NUP210L: variants seen among roughly 807,000 people sequenced by gnomAD.
NUP210L encodes the protein nucleoporin 210 like, also known as nuclear pore membrane glycoprotein 210-like.
NUP210L carries 74 observed loss-of-function variants against 208.5 expected under a neutral mutation model. The ratio of observed to expected loss-of-function variants is 0.35; its 90% CI spans 0.29 to 0.43. The LOEUF is 0.43. Among genes scored for constraint, NUP210L ranks in the 20% least tolerant of loss-of-function variants. The pLI is 1.00. For synonymous variants in NUP210L, 780 were observed against 816.9 expected (o/e 0.95, Z 0.77); for missense variants, 1,843 against 2,289.4 (o/e 0.81, Z 3.98).
At chr1:154,003,454 C>A (rs1650330961) in intron 35 of NUP210L, among the ~76,000 whole-genome samples, 2 of 152,232 alleles carry the variant, frequency 1.3e-5, no homozygotes, top group South Asian at 4.1e-4. Flanking sequence ...GATCCTCCCA[C>A]CTCAGCCTCC....
chr1:154,044,849 A>G (rs985002525), intron 27 of NUP210L, among the ~76,000 whole-genome samples: 6 of 152,208 alleles, frequency 3.9e-5, no homozygotes, highest in Non-Finnish European at 8.8e-5. Context: ...ATTTGTCGGC[A>G]GCAAACTTTA....
At position 154,072,327 on chromosome 1, in the gene NUP210L, C is replaced by CTTTTTT. The variant is rs1213732819; in HGVS notation, c.2362-1868_2362-1863dup. Among the ~76,000 whole-genome samples, 161 of 80,314 alleles carry CTTTTTT rather than the reference C, an allele frequency of 2.0e-3. 3 individuals carry two copies. The highest frequency in any genetic ancestry group is 2.4e-3 in the Admixed American group (13 of 5,400). The allele number at this position is 80,314 out of a possible 152,430, so 52.7% of individuals were successfully genotyped here. On this transcript the variant is annotated intron_variant, in intron 16 of 39. Transcript: ENST00000368559. ...TTTTTTATTTTAATTATGGCCATTC[C>CTTTTTT]TTTTTTTTTTTTTTTTTTTTTTTGA...
In NUP210L at chr1:154,144,057, C is replaced by T. The variant is rs184040608; in HGVS notation, c.341-480G>A. ...ATTATCCTGGAGTGGTGGCGGGCAC[C>T]TGTAGTCCCAGCTACTCGGAAGGTT... On this transcript the variant is annotated intron_variant, in intron 2 of 39. Coordinates refer to ENST00000368559, the Ensembl canonical transcript of NUP210L. 2.9e-3 allele frequency among the ~76,000 whole-genome samples: 446 copies of T among 152,136 alleles called. 5 individuals are homozygous for T. The highest frequency in any genetic ancestry group is 0.01 in the African/African-American group (430 of 41,498).
At chr1:154,062,077 C>T (rs142187654) in intron 17 of NUP210L, among the ~76,000 whole-genome samples, 1,692 of 152,170 alleles carry the variant, frequency 0.011, 37 homozygotes, top group African/African-American at 0.039. Flanking sequence ...CTGCCCGCCT[C>T]GGCCTCCCAA....
At chr1:154,106,524 C>T (rs943035664) in intron 12 of NUP210L, among the ~76,000 whole-genome samples, 1 of 152,186 alleles carries the variant, frequency 6.6e-6, no homozygotes, top group African/African-American at 2.4e-5. Context: ...TGGCAGTAAC[C>T]AGGCAGTGGT....
chr1:154,129,944 T>G (rs537869681), intron 7 of NUP210L, among the ~76,000 whole-genome samples: 18 of 152,332 alleles, frequency 1.2e-4, no homozygotes, highest in Admixed American at 4.6e-4. Flanking sequence ...AAATATAAAT[T>G]TATTCCAGTA....
At chr1:154,092,185 C>G (rs1156917436) in intron 15 of NUP210L, among the ~76,000 whole-genome samples, 1 of 149,220 alleles carries the variant, frequency 6.7e-6, no homozygotes, top group Non-Finnish European at 1.5e-5. Context: ...ACGCCATTCT[C>G]CTGCCTCAGC....
intron 37 of NUP210L, among the ~76,000 whole-genome samples, chr1:153,999,108 A>G (rs1416939974): frequency 2.6e-5 from 4 of 152,178 alleles, no homozygotes; most frequent in Admixed American, 6.6e-5. Flanking sequence ...ATAATGATCA[A>G]TACAAACCAG....
In NUP210L at chr1:154,107,473, C is replaced by CAA. The variant is rs60482405; in HGVS notation, c.1621-3265_1621-3264dup. 1.5e-3 allele frequency among the ~76,000 whole-genome samples: 139 copies of CAA among 95,208 alleles called. 1 individual carries two copies. Among genetic ancestry groups the CAA allele is most frequent in the South Asian group, 2.2e-3 (7 of 3,234 alleles). 62.5% of individuals were successfully genotyped at this position (95,208 alleles called of 152,430 possible). ...TGGACAACAGAGTGAGACTCCGTCT[C>CAA]AAAAAAAAAAAAAAAACTAAAGAAT... On this transcript the variant is annotated intron_variant, in intron 12 of 39. Coordinates refer to ENST00000368559, the Ensembl canonical transcript of NUP210L.
At chr1:154,022,198 T>C (rs960227027) in exon 32 of NUP210L, 28 of 1,614,144 alleles carry the variant, frequency 1.7e-5, no homozygotes, top group Non-Finnish European at 2.0e-5. Flanking sequence ...TCTGGCTCAA[T>C]GGCATGCTCT....
chr1:154,058,986 C>T (rs565958347), intron 20 of NUP210L, among the ~76,000 whole-genome samples: 1 of 151,894 alleles, frequency 6.6e-6, no homozygotes, highest in South Asian at 2.1e-4. Context: ...CCCAGGAGTT[C>T]AAGAACAGCC....
At chr1:154,147,801 A>T (rs898864172) in intron 2 of NUP210L, among the ~76,000 whole-genome samples, 1 of 150,852 alleles carries the variant, frequency 6.6e-6, no homozygotes, top group South Asian at 2.1e-4. Flanking sequence ...GATTACAGGC[A>T]CACACCACCA....
At position 154,046,270 on chromosome 1, in the gene NUP210L, A is replaced by G. The variant is rs1653173141; in HGVS notation, c.3564+19T>C. 6.2e-7 allele frequency: 1 copy of G among 1,614,056 alleles called. No individual in the cohort carries two copies. Among genetic ancestry groups the G allele is most frequent in the Non-Finnish European group, 8.5e-7 (1 of 1,179,924 alleles). On this transcript the variant is annotated intron_variant, in intron 26 of 39. Coordinates refer to ENST00000368559, the Ensembl canonical transcript of NUP210L. ...CAATTATCAGAATAATGAGCCCTGA[A>G]CAGAGCCATCATACTGACCTTGGTA...
chr1:154,013,021 A>AAAG (rs1336252329), intron 33 of NUP210L, among the ~76,000 whole-genome samples: 3 of 150,036 alleles, frequency 2.0e-5, no homozygotes, highest in African/African-American at 7.4e-5. Flanking sequence ...AAAAAAAAAA[A>AAAG]AAACAAAGAC....
chr1:154,107,615 C>T (rs1423282158), intron 12 of NUP210L, among the ~76,000 whole-genome samples: 2 of 152,138 alleles, frequency 1.3e-5, no homozygotes, highest in Non-Finnish European at 2.9e-5. Flanking sequence ...CCTGTAATCC[C>T]AGCACTTTGG....
chr1:154,095,438 G>A (rs1256989938), intron 14 of NUP210L, among the ~76,000 whole-genome samples: 2 of 152,086 alleles, frequency 1.3e-5, no homozygotes, highest in Non-Finnish European at 2.9e-5. Context: ...GTATTTATCT[G>A]TACCATTCAT....
At chr1:154,121,361 G>A (rs939030669) in intron 10 of NUP210L, among the ~76,000 whole-genome samples, 12 of 152,208 alleles carry the variant, frequency 7.9e-5, no homozygotes, top group African/African-American at 1.4e-4. Context: ...AACCCAGAAC[G>A]AATTTGGAGC....
At chr1:154,065,915 A>AAAAG (rs1654390706) in intron 17 of NUP210L, among the ~76,000 whole-genome samples, 4 of 146,318 alleles carry the variant, frequency 2.7e-5, no homozygotes, top group South Asian at 2.2e-4. Context: ...AAAAAAAAAA[A>AAAAG]AAAGAAAGAA....
Position 154,002,960 on chromosome 1 carries a change from C to G in NUP210L, c.4931-975G>C, listed in dbSNP as rs576873753. On this transcript the variant is annotated intron_variant, in intron 35 of 39. Transcript: ENST00000368559. ...CACCTCTTGGTGTCATTATTTTTAT[C>G]AATGGTAGGAACTGTTTTTCCAGTT... Among the ~76,000 whole-genome samples, 5 of 150,808 alleles carry G rather than the reference C, an allele frequency of 3.3e-5. No homozygotes were observed. In the South Asian group the frequency reaches 1.0e-3, roughly 32 times the overall value.
Sources: allele counts gnomAD v4.1 joint callset (sites outside exome capture counted in the v4.1 genomes callset), GRCh38; gene constraint gnomAD v4.1.1; transcripts MANE v1.5; gene names NCBI Gene and HGNC (gene_info 2026-07-23, HGNC 2026-07-21).